DCPH1: variants seen among roughly 807,000 people sequenced by gnomAD.
DCPH1 encodes damage-control phosphatase 1.
At chr6:151,468,728 G>A in the DCPH1 span, 1 of 1,614,180 alleles carries the variant, frequency 6.2e-7, no homozygotes, top group Non-Finnish European at 8.5e-7. Context: ...ATGTCCAAGT[G>A]TGGGGCTGAC....
the DCPH1 span, among the ~76,000 whole-genome samples, chr6:151,467,249 CAA>C: frequency 8.3e-5 from 10 of 121,082 alleles, no homozygotes; most frequent in East Asian, 2.6e-4. Context: ...GACTCTATCT[CAA>C]AAAAAAAAAA....
the DCPH1 span, among the ~76,000 whole-genome samples, chr6:151,453,876 A>G: frequency 2.3e-4 from 35 of 152,192 alleles, no homozygotes; most frequent in African/African-American, 8.4e-4. Context: ...GTTTTTCTTC[A>G]TCTCCAGCTT....
chr6:151,458,435 T>C, the DCPH1 span: 6 of 1,613,640 alleles, frequency 3.7e-6, no homozygotes, highest in Admixed American at 1.0e-4. Context: ...TTGTTGATAC[T>C]GATATATGGA....
chr6:151,467,043 G>A, the DCPH1 span, among the ~76,000 whole-genome samples: 3 of 152,112 alleles, frequency 2.0e-5, no homozygotes, highest in Non-Finnish European at 2.9e-5. Context: ...CTGAGGCCAG[G>A]AGTTTGAGAC....
At chr6:151,452,670 C>G in the DCPH1 span, 13 of 1,380,840 alleles carry the variant, frequency 9.4e-6, no homozygotes, top group Non-Finnish European at 1.2e-5. Context: ...AGGGCGCCCG[C>G]TCCCCGGTGG....
At chr6:151,455,578 A>C in the DCPH1 span, among the ~76,000 whole-genome samples, 46 of 152,350 alleles carry the variant, frequency 3.0e-4, no homozygotes, top group African/African-American at 9.6e-4. Flanking sequence ...TGCTGCCCGC[A>C]TGTCCCACCT....
the DCPH1 span, chr6:151,469,970 C>A: frequency 6.6e-6 from 1 of 152,104 alleles, no homozygotes; most frequent in African/African-American, 2.4e-5. Flanking sequence ...TATATTCTTA[C>A]ACATTTTATT....
chr6:151,464,392 G>T, the DCPH1 span: 4 of 1,197,236 alleles, frequency 3.3e-6, no homozygotes, highest in Non-Finnish European at 4.8e-6. Flanking sequence ...TTTCTTTCAA[G>T]AACTGCAGTT....
At chr6:151,469,942 A>G in the DCPH1 span, 1 of 152,232 alleles carries the variant, frequency 6.6e-6, no homozygotes, top group Non-Finnish European at 1.5e-5. Context: ...ACTACCAACA[A>G]TGAATGAATT....
the DCPH1 span, among the ~76,000 whole-genome samples, chr6:151,455,892 G>A: frequency 6.6e-6 from 1 of 152,280 alleles, no homozygotes; most frequent in East Asian, 1.9e-4. Flanking sequence ...CCGGCCTTCC[G>A]CAGTTTTTGT....
chr6:151,458,431 A>T, the DCPH1 span: 8 of 1,612,898 alleles, frequency 5.0e-6, no homozygotes, highest in East Asian at 8.9e-5. Context: ...AAATTTGTTG[A>T]TACTGATATA....
At chr6:151,461,686 A>G in the DCPH1 span, among the ~76,000 whole-genome samples, 1 of 152,178 alleles carries the variant, frequency 6.6e-6, no homozygotes, top group African/African-American at 2.4e-5. Flanking sequence ...AAAACACCAC[A>G]TAGTTTTAGA....
At chr6:151,457,687 AT>A in the DCPH1 span, among the ~76,000 whole-genome samples, 1 of 152,218 alleles carries the variant, frequency 6.6e-6, no homozygotes. Context: ...AAATGATCTT[AT>A]AAAAATACTC....
At chr6:151,454,530 C>A in the DCPH1 span, 2 of 1,166,448 alleles carry the variant, frequency 1.7e-6, no homozygotes, top group Non-Finnish European at 2.6e-6. Context: ...TTATATATTG[C>A]ATGTGACTCT....
At chr6:151,468,908 G>T in the DCPH1 span, 1 of 1,614,044 alleles carries the variant, frequency 6.2e-7, no homozygotes, top group South Asian at 1.1e-5. Context: ...AAGTTGACAG[G>T]TGACAGAAAA....
the DCPH1 span, among the ~76,000 whole-genome samples, chr6:151,463,535 C>G: frequency 2.0e-5 from 3 of 152,088 alleles, no homozygotes; most frequent in East Asian, 5.8e-4. Context: ...CAAAAGTGCT[C>G]TGAGCAATGG....
chr6:151,461,131 G>T, the DCPH1 span, among the ~76,000 whole-genome samples: 1 of 152,240 alleles, frequency 6.6e-6, no homozygotes, highest in Non-Finnish European at 1.5e-5. Flanking sequence ...GAAATTCGGG[G>T]TGATGGTTTC....
chr6:151,458,426 T>C, the DCPH1 span: 1 of 1,613,702 alleles, frequency 6.2e-7, no homozygotes, highest in Admixed American at 1.7e-5. Context: ...TTGAGAAATT[T>C]GTTGATACTG....
chr6:151,454,666 TTA>T, the DCPH1 span: 1 of 1,291,202 alleles, frequency 7.7e-7, no homozygotes. Context: ...AAGAATTGTT[TTA>T]ACTTTTAATT....
Sources: allele counts gnomAD v4.1 joint callset (sites outside exome capture counted in the v4.1 genomes callset), GRCh38; gene constraint gnomAD v4.1.1; transcripts MANE v1.5; gene names NCBI Gene and HGNC (gene_info 2026-07-23, HGNC 2026-07-21).